The following LPA variants were observed in gnomAD, a reference collection of about 807,000 sequenced individuals.
The protein encoded by LPA is apolipoprotein(a).
LPA carries 199 observed loss-of-function variants against 197.9 expected under a neutral mutation model. The observed-to-expected ratio is 1.01, with a 90% CI of 0.90 to 1.13. LPA has a LOEUF of 1.13. Among genes scored for constraint, LPA ranks in the 50% most tolerant of loss-of-function variants. The probability of loss-of-function intolerance (pLI) is 0.00; values close to 1 mark genes in which losing one functional copy is unlikely to be tolerated. For missense variants in LPA, 1,853 were observed against 1,785.8 expected, an observed-to-expected ratio of 1.04 and a Z score of -0.68; for synonymous variants, 715 against 639.5, an observed-to-expected ratio of 1.12 and a Z score of -1.78.
intron 18 of LPA, among the ~76,000 whole-genome samples, chr6:160,603,787 A>G (rs1779290235): frequency 6.6e-6 from 1 of 152,206 alleles, no homozygotes; most frequent in Non-Finnish European, 1.5e-5. Context: ...AAATGATTTT[A>G]ATGCTTGGAG....
chr6:160,559,181 G>C (rs1414272575), intron 28 of LPA, among the ~76,000 whole-genome samples: 2 of 152,140 alleles, frequency 1.3e-5, no homozygotes, highest in African/African-American at 4.8e-5. Flanking sequence ...CAATTAATCT[G>C]TGCTACCCCC....
At chr6:160,584,401 G>A (rs550173765) in intron 26 of LPA, among the ~76,000 whole-genome samples, 17 of 143,980 alleles carry the variant, frequency 1.2e-4, no homozygotes, top group South Asian at 4.4e-4. Context: ...GCATGTTCTC[G>A]GCTCACAGCA....
chr6:160,566,713 C>G (rs1295663544), intron 28 of LPA, among the ~76,000 whole-genome samples: 3 of 152,154 alleles, frequency 2.0e-5, no homozygotes, highest in African/African-American at 7.2e-5. Flanking sequence ...GATAAAGAGT[C>G]AAGATCCATC....
At chr6:160,589,207 T>A (rs909258584) in intron 24 of LPA, among the ~76,000 whole-genome samples, 16 of 152,232 alleles carry the variant, frequency 1.1e-4, no homozygotes, top group Non-Finnish European at 2.1e-4. Context: ...GCTTGGAGAT[T>A]AGAATGACAG....
chr6:160,546,032 T>A (rs1409593008), intron 32 of LPA, among the ~76,000 whole-genome samples: 1 of 152,146 alleles, frequency 6.6e-6, no homozygotes, highest in Non-Finnish European at 1.5e-5. Flanking sequence ...GTATATTGGG[T>A]CTCTGCCCCC....
chr6:160,608,787 G>T (rs1156573401), intron 16 of LPA, among the ~76,000 whole-genome samples: 1 of 150,912 alleles, frequency 6.6e-6, no homozygotes, highest in Non-Finnish European at 1.5e-5. Context: ...TGTGAGGTTC[G>T]GTTGGTTTTC....
chr6:160,565,973 T>C (rs568383883), intron 28 of LPA, among the ~76,000 whole-genome samples: 2 of 152,020 alleles, frequency 1.3e-5, no homozygotes, highest in East Asian at 3.9e-4. Flanking sequence ...AAGAGAAGTT[T>C]AGAGAAAAAA....
rs975876062 is a variant in LPA, at chr6:160,654,679, T to A, written c.50-4182A>T. 3.9e-5 allele frequency among the ~76,000 whole-genome samples: 6 copies of A among 152,326 alleles called. No individual in the cohort carries two copies. The East Asian group carries it at 1.2e-3, about 29-fold the overall frequency. On this transcript the variant is annotated intron_variant, in intron 1 of 38. Transcript: ENST00000316300. ...AAAAGTTATTACATAAGGTTAACAA[T>A]ATTTAAATGCTGATATGAACAACAC...
intron 26 of LPA, among the ~76,000 whole-genome samples, chr6:160,582,206 C>G (rs1445455835): frequency 6.6e-6 from 1 of 151,388 alleles, no homozygotes; most frequent in Non-Finnish European, 1.5e-5. Flanking sequence ...TTGTTTCTGA[C>G]TTGATCTTTT....
chr6:160,537,053 G>C (rs960050867), intron 37 of LPA, among the ~76,000 whole-genome samples: 1 of 152,126 alleles, frequency 6.6e-6, no homozygotes, highest in African/African-American at 2.4e-5. Context: ...CAGTTTTCCA[G>C]GGCCCCAGAC....
chr6:160,643,083 A>AGTTTGT (rs1779866603), intron 4 of LPA, among the ~76,000 whole-genome samples: 4 of 131,094 alleles, frequency 3.1e-5, no homozygotes, highest in Non-Finnish European at 3.4e-5. Context: ...GTGTGTTTTC[A>AGTTTGT]GTGTGTGTGT....
chr6:160,584,282 TTCTTCTTCTTCC>T (rs1447871227), intron 26 of LPA, among the ~76,000 whole-genome samples: 20 of 149,212 alleles, frequency 1.3e-4, no homozygotes, highest in Admixed American at 2.0e-4. Context: ...CTTCTTCTTC[TTCTTCTTCTTCC>T]TCTTCTTCTT....
At chr6:160,658,348 G>T (rs567390612) in intron 1 of LPA, among the ~76,000 whole-genome samples, 2 of 152,210 alleles carry the variant, frequency 1.3e-5, no homozygotes, top group South Asian at 2.1e-4. Flanking sequence ...TCAGCTACTC[G>T]CATGATAACA....
intron 28 of LPA, among the ~76,000 whole-genome samples, chr6:160,569,555 T>C (rs1020852556): frequency 6.6e-6 from 1 of 152,074 alleles, no homozygotes. Context: ...GCAATACCAT[T>C]CAGGACATAG....
chr6:160,649,336 C>T (rs1329695450), intron 2 of LPA, among the ~76,000 whole-genome samples: 2 of 152,138 alleles, frequency 1.3e-5, no homozygotes, highest in East Asian at 1.9e-4. Flanking sequence ...GTTCTTTGCC[C>T]TACTTTCTTG....
At chr6:160,578,446 C>T (rs1778725979) in intron 27 of LPA, 77 bp downstream of exon 27, 2 of 1,572,766 alleles carry the variant, frequency 1.3e-6, no homozygotes, top group Non-Finnish European at 1.7e-6. Context: ...CAGTGTACCA[C>T]TGAAGGCTTC....
At chr6:160,540,927 C>G (rs1777971812) in intron 35 of LPA, among the ~76,000 whole-genome samples, 180 bp downstream of exon 35, 1 of 152,066 alleles carries the variant, frequency 6.6e-6, no homozygotes, top group Non-Finnish European at 1.5e-5. Context: ...CATCCAATTG[C>G]CCTGGAAATT....
chr6:160,648,214 TG>T (rs1779938738), intron 2 of LPA, among the ~76,000 whole-genome samples: 2 of 152,244 alleles, frequency 1.3e-5, no homozygotes, highest in African/African-American at 4.8e-5. Context: ...CTTGTATCAC[TG>T]TTCCTCTAGC....
At chr6:160,609,096 T>C (rs185985602) in intron 16 of LPA, among the ~76,000 whole-genome samples, 2 of 152,298 alleles carry the variant, frequency 1.3e-5, no homozygotes, top group Admixed American at 1.3e-4. Context: ...TTTTTTTAAA[T>C]ATTTGAAATA....
Sources: allele counts gnomAD v4.1 joint callset (sites outside exome capture counted in the v4.1 genomes callset), GRCh38; gene constraint gnomAD v4.1.1; transcripts MANE v1.5; gene names NCBI Gene and HGNC (gene_info 2026-07-23, HGNC 2026-07-21).